The following FAM13A variants were observed in gnomAD, a reference collection of about 807,000 sequenced individuals.
FAM13A encodes family with sequence similarity 13 member A, also known as protein FAM13A.
Under a neutral mutation model 129.6 loss-of-function variants are expected in FAM13A, and 76 were observed. The observed-to-expected ratio is 0.59, with a 90% CI of 0.49 to 0.71. The LOEUF is 0.71. FAM13A is among the 30% of genes least tolerant of loss of function. FAM13A has a pLI of 0.00. For missense variants in FAM13A, 1,108 were observed against 1,249.3 expected, an observed-to-expected ratio of 0.89 and a Z score of 1.70; for synonymous variants, 443 against 449.9, an observed-to-expected ratio of 0.98 and a Z score of 0.20.
chr4:88,963,775 A>G (rs1758969110), intron 4 of FAM13A, among the ~76,000 whole-genome samples: 1 of 152,228 alleles, frequency 6.6e-6, no homozygotes, highest in African/African-American at 2.4e-5. Context: ...GCTAAAACTT[A>G]TAAATAATAT....
intron 6 of FAM13A, chr4:88,856,172 T>C (rs547722680): frequency 6.6e-6 from 1 of 152,218 alleles, no homozygotes; most frequent in Admixed American, 6.5e-5. Context: ...TGCTGGCATT[T>C]TGAAAGTACA....
intron 4 of FAM13A, among the ~76,000 whole-genome samples, chr4:88,944,640 GC>G (rs996165390): frequency 6.6e-6 from 1 of 152,176 alleles, no homozygotes; most frequent in Admixed American, 6.5e-5. Flanking sequence ...GGTGGCTCAC[GC>G]CTGTAATCCC....
intron 3 of FAM13A, among the ~76,000 whole-genome samples, chr4:88,998,038 C>T (rs1763785942): frequency 6.6e-6 from 1 of 152,164 alleles, no homozygotes; most frequent in Non-Finnish European, 1.5e-5. Flanking sequence ...AGCCTTACAA[C>T]TGCATGGAAG....
At chr4:88,959,779 A>G (rs1284531521) in intron 4 of FAM13A, among the ~76,000 whole-genome samples, 1 of 152,218 alleles carries the variant, frequency 6.6e-6, no homozygotes, top group Non-Finnish European at 1.5e-5. Context: ...CCTTTTATCC[A>G]TGTTAAGTAA....
chr4:88,748,976 C>T lies in FAM13A; in HGVS notation c.2137G>A (p.Ala713Thr), dbSNP rs1447849874. The T allele has an allele frequency of 6.2e-7, 1 of 1,613,936 alleles. No homozygotes were observed. The highest frequency in any genetic ancestry group is 1.6e-4 in the Middle Eastern group (1 of 6,062). ...PEVLKWTNDL[A>T]KFRRQLKESK... ...CCTTTAAGTTGTCTCCGGAATTTGGCAAGGTCATTTGTCCATTTCAGAACC... is the reference window on the plus strand; with the variant it reads ...CCTTTAAGTTGTCTCCGGAATTTGGTAAGGTCATTTGTCCATTTCAGAACC... Residue 713 changes from alanine to threonine, a missense_variant, in exon 17 of 24, where the codon GCC (alanine) becomes ACC (threonine). Physicochemically the swap from Ala to Thr is moderately conservative, Grantham distance 58. Transcript: ENST00000264344.
intron 4 of FAM13A, among the ~76,000 whole-genome samples, chr4:88,945,986 G>A (rs7687931): frequency 1.0e-3 from 22 of 21,832 alleles, no homozygotes; most frequent in African/African-American, 4.8e-3. Context: ...GTGTGTGTGT[G>A]TGTGTATATA....
At chr4:88,956,419 A>G (rs1579484858) in intron 4 of FAM13A, among the ~76,000 whole-genome samples, 1 of 152,338 alleles carries the variant, frequency 6.6e-6, no homozygotes, top group African/African-American at 2.4e-5. Flanking sequence ...CTCGGTTAAT[A>G]TAAGTATACT....
rs537053149 is a variant in FAM13A at position 88,870,110 on chromosome 4, C to T, written c.844-18927G>A. Among the ~76,000 whole-genome samples, 16 of 127,256 alleles carry T rather than the reference C, an allele frequency of 1.3e-4. No individual in the cohort carries two copies. In the South Asian group the frequency reaches 4.7e-3, roughly 37 times the overall value. The allele number at this position is 127,256 out of a possible 152,430, so 83.5% of individuals were successfully genotyped here. ...TTCCTTTTTCCTTAAAGTAACTAAA[C>T]ATTTCTGTTGTAAAAAAAAAAAAAA... On this transcript the variant is annotated intron_variant, in intron 6 of 23. Transcript: ENST00000264344.
chr4:88,922,078 T>G (rs1330070255), intron 5 of FAM13A, among the ~76,000 whole-genome samples: 3 of 151,618 alleles, frequency 2.0e-5, no homozygotes, highest in Non-Finnish European at 4.4e-5. Context: ...ACAAAGAGAC[T>G]TAGACTCCCA....
intron 2 of FAM13A, among the ~76,000 whole-genome samples, chr4:89,026,201 C>T (rs1708669): frequency 0.84 from 127,538 of 152,216 alleles, 54,009 homozygotes; most frequent in African/African-American, 0.96. Context: ...TACACAGCCT[C>T]ACTCAAAACC....
At chr4:88,891,214 G>C (rs1745253473) in intron 6 of FAM13A, among the ~76,000 whole-genome samples, 1 of 152,144 alleles carries the variant, frequency 6.6e-6, no homozygotes, top group South Asian at 2.1e-4. Flanking sequence ...CTTGAGCTTA[G>C]GAGTTTTGAG....
chr4:89,022,283 G>C (rs1198626865), intron 2 of FAM13A, among the ~76,000 whole-genome samples: 1 of 151,746 alleles, frequency 6.6e-6, no homozygotes, highest in African/African-American at 2.4e-5. Flanking sequence ...CATGTAATAA[G>C]TGCCTGACAT....
At position 88,726,532 on chromosome 4, in the gene FAM13A, AAAAACATAGTCTTAAAC is replaced by A. The variant is rs1736506941; in HGVS notation, c.*1984_*2000del. The A allele has an allele frequency of 6.6e-6, 1 of 152,658 alleles. No homozygotes were observed. The highest frequency in any genetic ancestry group is 2.1e-4 in the South Asian group (1 of 4,830). 9.5% of individuals were successfully genotyped at this position (152,658 alleles called of 1,614,324 possible). A position where few individuals can be genotyped will look rare whatever the true frequency, so the allele number is the denominator to read the frequency against. ...AAAAAATTCTGTAGCGTATTTTTCC[AAAAACATAGTCTTAAAC>A]AAATGTGCTTTAAAAGCTAACTGGT... is the stretch of plus-strand genomic sequence containing the variant. On this transcript the variant is annotated 3_prime_UTR_variant, in exon 24 of 24. Coordinates refer to ENST00000264344, the MANE Select transcript of FAM13A (RefSeq NM_014883.4).
chr4:88,949,998 A>G (rs1298240994), intron 4 of FAM13A, among the ~76,000 whole-genome samples: 1 of 152,196 alleles, frequency 6.6e-6, no homozygotes, highest in South Asian at 2.1e-4. Flanking sequence ...ATTGACATTA[A>G]TTTCTGAGAT....
At chr4:88,822,861 G>A (rs183537042) in intron 7 of FAM13A, 2 of 1,449,184 alleles carry the variant, frequency 1.4e-6, no homozygotes, top group Admixed American at 4.8e-5. Context: ...ATGTACAACG[G>A]ACTCTACACA....
chr4:89,019,080 G>C (rs1766898399), intron 3 of FAM13A, among the ~76,000 whole-genome samples: 2 of 152,228 alleles, frequency 1.3e-5, no homozygotes, highest in African/African-American at 4.8e-5. Flanking sequence ...GGGAGCTACA[G>C]ACAGGTCTCC....
Position 88,825,455 on chromosome 4 carries a change from G to A in FAM13A, c.1008-20403C>T, listed in dbSNP as rs1305438713. 2.6e-5 allele frequency among the ~76,000 whole-genome samples: 4 copies of A among 152,216 alleles called. No homozygotes were observed. The South Asian group carries it at 8.3e-4, about 32-fold the overall frequency. ...TGGTCTCGAACTCCTGACCTCAAAT[G>A]ATCCACCTGCCTCAGCCTCCCAAAG... On this transcript the variant is annotated intron_variant, in intron 7 of 23. Coordinates refer to ENST00000264344, the MANE Select transcript of FAM13A (RefSeq NM_014883.4).
chr4:88,822,645 C>T (rs1461751467), intron 7 of FAM13A, among the ~76,000 whole-genome samples: 3 of 152,116 alleles, frequency 2.0e-5, no homozygotes, highest in Non-Finnish European at 4.4e-5. Flanking sequence ...TGCTAAGAAG[C>T]GGATTCAGTT....
chr4:88,905,652 T>C (rs1041735820), intron 6 of FAM13A: 1 of 152,176 alleles, frequency 6.6e-6, no homozygotes, highest in African/African-American at 2.4e-5. Context: ...TGAGAACATG[T>C]GGTATTTGGT....
Sources: gnomAD v4.1 joint callset for allele counts (sites outside exome capture counted in the v4.1 genomes callset) on GRCh38, gnomAD v4.1.1 for gene constraint, MANE v1.5 for transcripts, NCBI Gene and HGNC (gene_info 2026-07-23, HGNC 2026-07-21) for gene names.